Variants in ZNF776 observed in about 807,000 individuals in gnomAD.
The protein encoded by ZNF776 is zinc finger protein 776.
In ZNF776, 4 loss-of-function variants were observed where a neutral mutation model predicts 7.0. The ratio of observed to expected loss-of-function variants is 0.57; its 90% CI spans 0.28 to 1.31. The LOEUF (loss-of-function observed/expected upper bound fraction) is 1.31. Ranked by LOEUF, ZNF776 falls within the 50% of genes most tolerant of loss-of-function variation. The probability of loss-of-function intolerance (pLI) is 0.10; values close to 1 mark genes in which losing one functional copy is unlikely to be tolerated. For missense variants in ZNF776, 555 were observed against 625.9 expected (o/e 0.89, Z 1.21); for synonymous variants, 212 against 213.7 (o/e 0.99, Z 0.07).
In ZNF776 at chr19:57,753,631, T is replaced by C; in HGVS notation, c.501T>C (p.His167=). The change falls in exon 3 of 3, where the codon CAT becomes CAC. Residue 167 remains histidine, a synonymous_variant. Coordinates refer to ENST00000317178, the MANE Select transcript of ZNF776 (RefSeq NM_173632.4). ...FHMSHEPFIF[H]EVGKDFLSSL... is the part of the protein sequence containing the mutation. ...TGTCACATGAGCCATTTATCTTTCA[T>C]GAGGTTGGGAAAGACTTTTTGTCCA... 1 of 1,614,160 alleles carries C rather than the reference T, an allele frequency of 6.2e-7. No individual in the cohort carries two copies.
chr19:57,750,698 T>G, intron 1 of ZNF776, 87 bp from the exon 2 acceptor site: 1 of 1,491,896 alleles, frequency 6.7e-7, no homozygotes, highest in Non-Finnish European at 9.0e-7. Context: ...CCTTGTAGTT[T>G]AGGACCTTGG....
intron 2 of ZNF776, among the ~76,000 whole-genome samples, chr19:57,753,055 G>A (rs1019149727): frequency 1.3e-5 from 2 of 152,228 alleles, no homozygotes; most frequent in Admixed American, 6.5e-5. Context: ...ATTACAGAAT[G>A]TAGGGGGCCA....
chr19:57,750,844 T>G lies in ZNF776; in HGVS notation c.93T>G (p.Leu31=). The change falls in exon 2 of 3, where the codon CTT becomes CTG. Residue 31 remains leucine (L), a synonymous_variant. Coordinates refer to ENST00000317178, the MANE Select transcript of ZNF776 (RefSeq NM_173632.4). ...TTTCCCAGGAGGAATGGAGTCTCCT[T>G]AGTGAGGCTCAGAGATGCCTTTATC... ...VNFSQEEWSL[L]SEAQRCLYHD... is the part of the protein sequence containing the mutation. 6.2e-7 allele frequency: 1 copy of G among 1,613,448 alleles called. No homozygotes were observed. Among genetic ancestry groups the G allele is most frequent in the South Asian group, 1.1e-5 (1 of 91,042 alleles).
At chr19:57,747,748 G>T (rs1282007055) in intron 1 of ZNF776, among the ~76,000 whole-genome samples, 2 of 152,050 alleles carry the variant, frequency 1.3e-5, no homozygotes, top group African/African-American at 2.4e-5. Flanking sequence ...AGCACTTGCA[G>T]AACCTCCGCA....
Position 57,753,359 on chromosome 19 carries a change from C to G in ZNF776, c.229C>G (p.Leu77Val). The change falls in exon 3 of 3, where the codon CTC (leucine) becomes GTC (valine). Residue 77 changes from leucine (L) to valine (V), a missense_variant. Transcript: ENST00000317178. ...QTLSIQQESP[L>V]RTHWTGVCTK... ...CCTTTCTATACAACAGGAGTCCCCACTCAGGACACATTGGACAGGTGTATG... is the reference window on the plus strand; with the variant it reads ...CCTTTCTATACAACAGGAGTCCCCAGTCAGGACACATTGGACAGGTGTATG... 6.2e-7 allele frequency: 1 copy of G among 1,614,226 alleles called. No homozygotes were observed. The highest frequency in any genetic ancestry group is 8.5e-7 in the Non-Finnish European group (1 of 1,180,048).
rs148368410 is a variant in ZNF776 at position 57,753,829 on chromosome 19, A to G, written c.699A>G (p.Glu233=). ...TTCACCAGAGACTTCTCCCTAGAGA[A>G]GGACCTTATGTATGCAGTGATTCTG... ...LVLHQRLLPR[E]GPYVCSDSGK... is the part of the protein sequence containing the mutation. The change falls in exon 3 of 3, where the codon GAA becomes GAG. Residue 233 remains glutamate, a synonymous_variant. Transcript: ENST00000317178. The G allele has an allele frequency of 7.6e-3, 12,288 of 1,614,214 alleles. 76 individuals carry two copies. The highest frequency in any genetic ancestry group is 0.024 in the Middle Eastern group (144 of 6,062).
chr19:57,750,432 C>CAAA (rs60314566), intron 1 of ZNF776, among the ~76,000 whole-genome samples: 1 of 137,862 alleles, frequency 7.3e-6, no homozygotes. Flanking sequence ...AACCCTATCT[C>CAAA]AAAAAAAAAA....
Position 57,747,036 on chromosome 19 carries a change from C to T in ZNF776, c.-23C>T, listed in dbSNP as rs62621194. 2,188 of 1,574,394 alleles carry T rather than the reference C, an allele frequency of 1.4e-3. 6 individuals are homozygous for T. The highest frequency in any genetic ancestry group is 1.7e-3 in the Non-Finnish European group (1,987 of 1,159,664). On this transcript the variant is annotated 5_prime_UTR_variant, in exon 1 of 3. Coordinates refer to ENST00000317178, the MANE Select transcript of ZNF776 (RefSeq NM_173632.4). ...TGCACTGCTCGCCCCCTCCTTTCGA[C>T]CCCGCTTTCCCCACCCAGTCGGATG...
At position 57,755,123 on chromosome 19, in the gene ZNF776, G is replaced by T; in HGVS notation, c.*436G>T. On this transcript the variant is annotated 3_prime_UTR_variant, in exon 3 of 3. Transcript: ENST00000317178. ...ATAATTTCTCACATAATAAATGTGA[G>T]AAATCATTTCCGTACAGCTCTGCGC... 1 of 188,628 alleles carries T rather than the reference G, an allele frequency of 5.3e-6. No homozygotes were observed. The highest frequency in any genetic ancestry group is 1.4e-4 in the East Asian group (1 of 7,322). 11.7% of individuals were successfully genotyped at this position (188,628 alleles called of 1,614,324 possible).
In ZNF776 at chr19:57,753,343, A is replaced by G. The variant is rs201024433; in HGVS notation, c.213A>G (p.Ile71Met). The G allele has an allele frequency of 1.9e-5, 30 of 1,614,040 alleles. No homozygotes were observed. The highest frequency in any genetic ancestry group is 2.5e-5 in the Non-Finnish European group (30 of 1,180,030). Residue 71 changes from isoleucine to methionine, a missense_variant, in exon 3 of 3, where the codon ATA becomes ATG. Transcript: ENST00000317178. ...CACCTTCTAAGCAGACCCTTTCTATACAACAGGAGTCCCCACTCAGGACAC... is the reference window on the plus strand; with the variant it reads ...CACCTTCTAAGCAGACCCTTTCTATGCAACAGGAGTCCCCACTCAGGACAC... The part of the protein sequence containing the change: ...DETPSKQTLS[I>M]QQESPLRTHW...
At chr19:57,750,432 CAA>C (rs60314566) in intron 1 of ZNF776, among the ~76,000 whole-genome samples, 6 of 137,818 alleles carry the variant, frequency 4.4e-5, no homozygotes, top group Non-Finnish European at 4.7e-5. Context: ...AACCCTATCT[CAA>C]AAAAAAAAAA....
intron 2 of ZNF776, among the ~76,000 whole-genome samples, chr19:57,751,374 T>C (rs1229670639): frequency 6.6e-6 from 1 of 152,154 alleles, no homozygotes; most frequent in Non-Finnish European, 1.5e-5. Flanking sequence ...TTTTGTTCTG[T>C]TTTGTTTTCA....
Position 57,757,836 on chromosome 19 carries a change from C to A in ZNF776, c.*3149C>A, listed in dbSNP as rs1196761733. On this transcript the variant is annotated 3_prime_UTR_variant, in exon 3 of 3. Transcript: ENST00000317178. Reference sequence around the variant, plus strand: ...GACAATCACTGAATTACAATATTTGCTTAACAGTAGATTAATGTCAATTTT... The same window carrying A: ...GACAATCACTGAATTACAATATTTGATTAACAGTAGATTAATGTCAATTTT... 6.6e-6 allele frequency: 1 copy of A among 152,170 alleles called. No individual in the cohort carries two copies. Among genetic ancestry groups the A allele is most frequent in the Non-Finnish European group, 1.5e-5 (1 of 68,024 alleles). The allele number at this position is 152,170 out of a possible 1,614,324, so 9.4% of individuals were successfully genotyped here.
chr19:57,756,031 C>T lies in ZNF776; in HGVS notation c.*1344C>T, dbSNP rs1172306121. On this transcript the variant is annotated 3_prime_UTR_variant, in exon 3 of 3. Transcript: ENST00000317178. ...ATTGTCTTGTGCCGCATATGAAATA[C>T]ATTAACACTAATGATAGCTGATGAA... is the stretch of plus-strand genomic sequence containing the variant. 6.6e-6 allele frequency: 1 copy of T among 151,638 alleles called. No homozygotes were observed. The highest frequency in any genetic ancestry group is 1.5e-5 in the Non-Finnish European group (1 of 67,988). The allele number at this position is 151,638 out of a possible 1,614,324, so 9.4% of individuals were successfully genotyped here. A position where few individuals can be genotyped will look rare whatever the true frequency, so the allele number is the denominator to read the frequency against.
chr19:57,753,828 A>G lies in ZNF776; in HGVS notation c.698A>G (p.Glu233Gly). 1 of 1,614,214 alleles carries G rather than the reference A, an allele frequency of 6.2e-7. No homozygotes were observed. Among genetic ancestry groups the G allele is most frequent in the Non-Finnish European group, 8.5e-7 (1 of 1,180,030 alleles). The part of the protein sequence containing the change: ...LVLHQRLLPR[E>G]GPYVCSDSGK... ...CTTCACCAGAGACTTCTCCCTAGAG[A>G]AGGACCTTATGTATGCAGTGATTCT... The change falls in exon 3 of 3, where the codon GAA (glutamate) becomes GGA (glycine). Residue 233 changes from glutamate to glycine, a missense_variant. By Grantham distance (98) the Glu-to-Gly change is moderately conservative. Transcript: ENST00000317178.
At chr19:57,750,507 C>T (rs2122511689) in intron 1 of ZNF776, among the ~76,000 whole-genome samples, 1 of 152,034 alleles carries the variant, frequency 6.6e-6, no homozygotes, top group East Asian at 1.9e-4. Context: ...GAGGATGCTG[C>T]ATTGGGATTT....
rs867189377 is a variant in ZNF776, at chr19:57,755,136, T to G, written c.*449T>G. On this transcript the variant is annotated 3_prime_UTR_variant, in exon 3 of 3. Transcript: ENST00000317178. ...TAATAAATGTGAGAAATCATTTCCG[T>G]ACAGCTCTGCGCTCCATGTTCGTAA... 4.9e-5 allele frequency: 9 copies of G among 184,978 alleles called. No individual in the cohort carries two copies. The South Asian group carries it at 9.8e-4, about 20-fold the overall frequency. 11.5% of individuals were successfully genotyped at this position (184,978 alleles called of 1,614,324 possible).
rs750492309 is a variant in ZNF776 at position 57,756,843 on chromosome 19, T to G, written c.*2156T>G. 15 of 455,284 alleles carry G rather than the reference T, an allele frequency of 3.3e-5. No homozygotes were observed. The highest frequency in any genetic ancestry group is 5.7e-5 in the Non-Finnish European group (13 of 226,474). 28.2% of individuals were successfully genotyped at this position (455,284 alleles called of 1,614,324 possible). A position where few individuals can be genotyped will look rare whatever the true frequency, so the allele number is the denominator to read the frequency against. The stretch of plus-strand genomic sequence containing the variant: ...TACGTTATAAGCCTGGAGAAAGAAA[T>G]CATAATTCTTTAATTTTTATTTTTT... On this transcript the variant is annotated 3_prime_UTR_variant, in exon 3 of 3. Transcript: ENST00000317178.
chr19:57,750,751 G>T, intron 1 of ZNF776, 34 bp from the exon 2 acceptor site: 1 of 1,600,372 alleles, frequency 6.2e-7, no homozygotes, highest in South Asian at 1.1e-5. Flanking sequence ...AGCATATGGA[G>T]TGTTTGTGGT....
Sources: gnomAD v4.1 joint callset for allele counts (sites outside exome capture counted in the v4.1 genomes callset) on GRCh38, gnomAD v4.1.1 for gene constraint, MANE v1.5 for transcripts, NCBI Gene and HGNC (gene_info 2026-07-23, HGNC 2026-07-21) for gene names.